The following SATL1 variants were observed in gnomAD, a reference collection of about 807,000 sequenced individuals.
The protein encoded by SATL1 is spermidine/spermine N1-acetyl transferase like 1, also known as spermidine/spermine N(1)-acetyltransferase-like protein 1.
SATL1 carries 47 observed loss-of-function variants against 51.8 expected under a neutral mutation model. That is an observed-to-expected ratio of 0.91 (90% CI 0.72 to 1.16). The LOEUF (loss-of-function observed/expected upper bound fraction) is 1.16, where lower values mean the gene tolerates loss of function less well. SATL1 is among the 50% of genes most tolerant of loss of function. SATL1 has a pLI of 0.00. For missense variants in SATL1, 520 were observed against 526.4 expected (o/e 0.99, Z 0.12); for synonymous variants, 176 against 182.4 (o/e 0.97, Z 0.28).
chrX:85,199,691 C>T (rs1336087002), intron 2 of SATL1, among the ~76,000 whole-genome samples: 2 of 111,972 alleles, frequency 1.8e-5, no homozygotes, highest in East Asian at 5.6e-4. Context: ...ACAAACTTCA[C>T]ATGTTCTCAT....
chrX:85,123,503 G>A (rs764809254), intron 2 of SATL1, among the ~76,000 whole-genome samples: 61 of 111,453 alleles, frequency 5.5e-4, no homozygotes, highest in Middle Eastern at 4.7e-3. Flanking sequence ...ACTTTTTAAC[G>A]GGGGTGTTGT....
chrX:85,211,583 C>G (rs759142575), intron 2 of SATL1: 1 of 111,457 alleles, frequency 9.0e-6, no homozygotes, highest in Admixed American at 9.6e-5. Flanking sequence ...TCTAGAGATA[C>G]GTGTTTTTCA....
At chrX:85,099,004 AT>A (rs1374064816) in intron 4 of SATL1, among the ~76,000 whole-genome samples, 1 of 111,712 alleles carries the variant, frequency 9.0e-6, no homozygotes, top group African/African-American at 3.2e-5. Flanking sequence ...ATGAAGGTTG[AT>A]TATTTGAAAA....
At chrX:85,127,356 A>C (rs1925652045) in intron 2 of SATL1, among the ~76,000 whole-genome samples, 1 of 111,324 alleles carries the variant, frequency 9.0e-6, no homozygotes, top group South Asian at 3.8e-4. Flanking sequence ...TTAAACTCTA[A>C]AGCACTATAT....
chrX:85,134,757 C>T (rs189558138), intron 2 of SATL1, among the ~76,000 whole-genome samples: 52 of 111,095 alleles, frequency 4.7e-4, no homozygotes, highest in African/African-American at 1.4e-3. Context: ...TAACAAAATG[C>T]GAGGAGGATG....
chrX:85,150,961 G>T (rs1391134716), intron 2 of SATL1, among the ~76,000 whole-genome samples: 3 of 111,360 alleles, frequency 2.7e-5, no homozygotes, highest in Admixed American at 9.6e-5. Flanking sequence ...GGAAGTTCCG[G>T]CCAGGGTAAT....
chrX:85,212,639 A>G (rs1352488346), intron 2 of SATL1: 1 of 111,537 alleles, frequency 9.0e-6, no homozygotes, highest in Admixed American at 9.6e-5. Context: ...GAGTTTTTAA[A>G]GTATCCTATA....
At chrX:85,098,646 G>A (rs1239214439) in intron 4 of SATL1, among the ~76,000 whole-genome samples, 1 of 111,132 alleles carries the variant, frequency 9.0e-6, no homozygotes, top group Admixed American at 9.6e-5. Flanking sequence ...AGAAATCAGT[G>A]GGAAAAAAAC....
chrX:85,138,401 A>G (rs1926018070), intron 2 of SATL1, among the ~76,000 whole-genome samples: 1 of 111,980 alleles, frequency 8.9e-6, no homozygotes, highest in Admixed American at 9.5e-5. Flanking sequence ...CAGCTCTCAC[A>G]GTTGTGATCC....
chrX:85,196,861 C>A (rs1487186539), intron 2 of SATL1, among the ~76,000 whole-genome samples: 1 of 111,555 alleles, frequency 9.0e-6, no homozygotes, highest in Non-Finnish European at 1.9e-5. Flanking sequence ...GATCAAAAAC[C>A]TAAATGTAAG....
intron 1 of SATL1, among the ~76,000 whole-genome samples, chrX:85,239,707 C>T (rs1928548555): frequency 9.0e-6 from 1 of 111,432 alleles, no homozygotes; most frequent in African/African-American, 3.3e-5. Flanking sequence ...AGATATGCAC[C>T]TACATGAATA....
At position 85,167,802 on chromosome X, in the gene SATL1, C is replaced by G. The variant is rs1602885718; in HGVS notation, c.-313+56403G>C. On this transcript the variant is annotated intron_variant, in intron 2 of 7. Coordinates refer to ENST00000644105, the MANE Select transcript of SATL1 (RefSeq NM_001367857.2). Reference sequence around the variant, plus strand: ...CTATGAGGCTAGCATCATCCTGATACCAAAACTTGGCAGAGATACAACAAA... The same window carrying G: ...CTATGAGGCTAGCATCATCCTGATAGCAAAACTTGGCAGAGATACAACAAA... 2.7e-5 allele frequency among the ~76,000 whole-genome samples: 3 copies of G among 111,033 alleles called. No individual in the cohort carries two copies. The East Asian group carries it at 8.5e-4, about 32-fold the overall frequency.
intron 2 of SATL1, among the ~76,000 whole-genome samples, chrX:85,146,441 A>G (rs1012235014): frequency 5.4e-5 from 6 of 111,892 alleles, no homozygotes; most frequent in African/African-American, 2.0e-4. Flanking sequence ...AGAATAGCTC[A>G]TGTACTCTAT....
At position 85,108,108 on chromosome X, in the gene SATL1, G is replaced by A; in HGVS notation, c.861C>T (p.Asn287=). 1.7e-6 allele frequency: 2 copies of A among 1,211,634 alleles called. No homozygotes were observed. The highest frequency in any genetic ancestry group is 3.0e-5 in the East Asian group (1 of 33,813). Residue 287 remains asparagine (N), a synonymous_variant, in exon 3 of 8, where the codon AAC becomes AAT. Coordinates refer to ENST00000644105, the MANE Select transcript of SATL1 (RefSeq NM_001367857.2). ...NQWSASLYEM[N]QVDMKQPSMS... is the part of the protein sequence containing the mutation. ...TGCTTGGTTGTTTCATGTCCACTTGGTTCATTTCATATAGGCTTGCACTCC... is the reference window on the plus strand; with the variant it reads ...TGCTTGGTTGTTTCATGTCCACTTGATTCATTTCATATAGGCTTGCACTCC...
chrX:85,233,135 G>C (rs1006686070), intron 1 of SATL1, among the ~76,000 whole-genome samples: 3 of 111,840 alleles, frequency 2.7e-5, no homozygotes, highest in African/African-American at 9.8e-5. Context: ...AGTAAGGGAA[G>C]AGAAAAAGAG....
intron 2 of SATL1, among the ~76,000 whole-genome samples, chrX:85,171,776 C>G (rs1317362971): frequency 9.0e-6 from 1 of 111,226 alleles, no homozygotes; most frequent in Non-Finnish European, 1.9e-5. Context: ...AGAGTAAAGC[C>G]CTTGTAAGTA....
chrX:85,226,321 C>A (rs1301516698), intron 1 of SATL1, among the ~76,000 whole-genome samples: 1 of 111,487 alleles, frequency 9.0e-6, no homozygotes, highest in African/African-American at 3.3e-5. Context: ...CTTTCTTTCC[C>A]GTATTCCTCA....
At chrX:85,211,085 C>G (rs761389356) in intron 2 of SATL1, 3 of 111,614 alleles carry the variant, frequency 2.7e-5, no homozygotes. Context: ...ACTATTTAAT[C>G]TTTTTAAATC....
At chrX:85,116,587 G>T (rs1925387660) in intron 2 of SATL1, among the ~76,000 whole-genome samples, 1 of 111,492 alleles carries the variant, frequency 9.0e-6, no homozygotes, top group East Asian at 2.8e-4. Flanking sequence ...TCATATACCA[G>T]TTAGACTCCA....
Sources: gnomAD v4.1 joint callset for allele counts (sites outside exome capture counted in the v4.1 genomes callset) on GRCh38, gnomAD v4.1.1 for gene constraint, MANE v1.5 for transcripts, NCBI Gene and HGNC (gene_info 2026-07-23, HGNC 2026-07-21) for gene names.